ARHGAP24: variants seen among roughly 807,000 people sequenced by gnomAD.
The protein encoded by ARHGAP24 is rho GTPase-activating protein 24.
ARHGAP24 carries 50 observed loss-of-function variants against 76.4 expected under a neutral mutation model. The ratio of observed to expected loss-of-function variants is 0.65; its 90% CI spans 0.52 to 0.83. The LOEUF (loss-of-function observed/expected upper bound fraction) is 0.83, where lower values mean the gene tolerates loss of function less well. ARHGAP24 is among the 40% of genes least tolerant of loss of function. The pLI, the probability that ARHGAP24 is intolerant of heterozygous loss-of-function variation, is 0.00. For synonymous variants in ARHGAP24, 345 were observed against 323.3 expected (o/e 1.07, Z -0.72); for missense variants, 930 against 914.2 (o/e 1.02, Z -0.22).
At chr4:85,710,594 A>G (rs2110034154) in intron 2 of ARHGAP24, among the ~76,000 whole-genome samples, 1 of 152,310 alleles carries the variant, frequency 6.6e-6, no homozygotes, top group African/African-American at 2.4e-5. Flanking sequence ...TCTAGCATCT[A>G]TAAAGAACTT....
At chr4:85,707,233 T>C (rs896918408) in intron 2 of ARHGAP24, among the ~76,000 whole-genome samples, 1 of 152,186 alleles carries the variant, frequency 6.6e-6, no homozygotes, top group Non-Finnish European at 1.5e-5. Flanking sequence ...GTACTTTAAA[T>C]TCAGATTTCT....
intron 7 of ARHGAP24, among the ~76,000 whole-genome samples, chr4:85,977,024 G>A (rs1275481520): frequency 6.6e-6 from 1 of 151,984 alleles, no homozygotes; most frequent in African/African-American, 2.4e-5. Context: ...CTGACCTCAG[G>A]TGATCCACCT....
At chr4:85,722,234 A>G in intron 3 of ARHGAP24, 1 of 427,310 alleles carries the variant, frequency 2.3e-6, no homozygotes. Context: ...ATGATACAGT[A>G]TTTGTTCAGG....
intron 2 of ARHGAP24, among the ~76,000 whole-genome samples, chr4:85,596,775 A>G (rs1719849835): frequency 6.6e-6 from 1 of 152,126 alleles, no homozygotes; most frequent in Admixed American, 6.6e-5. Context: ...AAAAGAAGCT[A>G]TTACATCATT....
At chr4:85,561,775 G>T (rs1726609825) in intron 1 of ARHGAP24, among the ~76,000 whole-genome samples, 1 of 152,100 alleles carries the variant, frequency 6.6e-6, no homozygotes, top group African/African-American at 2.4e-5. Context: ...GCCACTCTCT[G>T]CTACCTCTGC....
chr4:85,574,334 G>GA, intron 2 of ARHGAP24, among the ~76,000 whole-genome samples: 1 of 152,286 alleles, frequency 6.6e-6, no homozygotes, highest in East Asian at 1.9e-4. Flanking sequence ...CCGATGCTAT[G>GA]AGTACACAGG....
At chr4:85,687,560 C>G (rs1723473420) in intron 2 of ARHGAP24, among the ~76,000 whole-genome samples, 1 of 152,138 alleles carries the variant, frequency 6.6e-6, no homozygotes, top group Non-Finnish European at 1.5e-5. Context: ...TTATGGACAC[C>G]AGCTGCATTC....
At chr4:85,927,063 G>GA (rs1001480304) in intron 4 of ARHGAP24, among the ~76,000 whole-genome samples, 12 of 151,018 alleles carry the variant, frequency 7.9e-5, no homozygotes, top group East Asian at 5.8e-4. Flanking sequence ...CGAGCAATTA[G>GA]AAAAAAAAAT....
intron 3 of ARHGAP24, among the ~76,000 whole-genome samples, chr4:85,910,132 C>T (rs1734997382): frequency 6.6e-6 from 1 of 152,170 alleles, no homozygotes; most frequent in Non-Finnish European, 1.5e-5. Flanking sequence ...GCGGCTAGAC[C>T]AGGTGCACTG....
At position 85,950,273 on chromosome 4, in the gene ARHGAP24, C is replaced by T. The variant is rs530382738; in HGVS notation, c.599+8000C>T. Among the ~76,000 whole-genome samples the T allele has an allele frequency of 3.9e-5, 6 of 152,106 alleles. No individual in the cohort carries two copies. In the South Asian group the frequency reaches 1.0e-3, roughly 26 times the overall value. On this transcript the variant is annotated intron_variant, in intron 5 of 9. Coordinates refer to ENST00000395184, the MANE Select transcript of ARHGAP24 (RefSeq NM_001025616.3). The stretch of plus-strand genomic sequence containing the variant: ...TTTGGGAGGCCGAAGTGGGAGGATC[C>T]CTTAAGGGTAAGAGTTCCAGACCTG...
rs201065501 is a variant in ARHGAP24, at chr4:85,836,968, GC to G, written c.269-86678del. The stretch of plus-strand genomic sequence containing the variant: ...CAGAGTAGAAGCCCAATTCTCAAAT[GC>G]CAAAAAGGAGGGGGAAAAAGGACTG... On this transcript the variant is annotated intron_variant, in intron 3 of 9. Transcript: ENST00000395184. Among the ~76,000 whole-genome samples, 1,401 of 152,138 alleles carry G rather than the reference GC, an allele frequency of 9.2e-3. 27 individuals are homozygous for G. Among genetic ancestry groups the G allele is most frequent in the African/African-American group, 0.032 (1,314 of 41,432 alleles).
At chr4:85,671,898 G>C (rs1297321872) in intron 2 of ARHGAP24, among the ~76,000 whole-genome samples, 2 of 152,152 alleles carry the variant, frequency 1.3e-5, no homozygotes, top group Non-Finnish European at 1.5e-5. Context: ...AAGACCCAGG[G>C]TCTGAAGTAA....
chr4:85,939,722 G>C (rs947803249), intron 4 of ARHGAP24, among the ~76,000 whole-genome samples: 3 of 152,130 alleles, frequency 2.0e-5, no homozygotes, highest in Non-Finnish European at 2.9e-5. Context: ...AATCCCGAAA[G>C]CTTTGAGAAA....
At chr4:85,986,392 A>C (rs1739997774) in intron 8 of ARHGAP24, among the ~76,000 whole-genome samples, 1 of 152,194 alleles carries the variant, frequency 6.6e-6, no homozygotes, top group African/African-American at 2.4e-5. Flanking sequence ...GAAAACCAGA[A>C]AACTATATGA....
intron 1 of ARHGAP24, among the ~76,000 whole-genome samples, chr4:85,558,946 T>G (rs1726492698): frequency 6.6e-6 from 1 of 152,220 alleles, no homozygotes; most frequent in Non-Finnish European, 1.5e-5. Flanking sequence ...CAACATTTGA[T>G]TCTCCTAGGT....
chr4:85,718,296 A>G lies in ARHGAP24; in HGVS notation c.181-3589A>G, dbSNP rs73835541. On this transcript the variant is annotated intron_variant, in intron 2 of 9. Transcript: ENST00000395184. ...TGTAGATGACTACACTTGGCATAAC[A>G]ACAATACATGACTTTTAAGTTTTGA... Among the ~76,000 whole-genome samples the G allele has an allele frequency of 1.0e-2, 1,516 of 152,238 alleles. 24 individuals carry two copies. The highest frequency in any genetic ancestry group is 0.034 in the African/African-American group (1,413 of 41,566).
intron 1 of ARHGAP24, among the ~76,000 whole-genome samples, chr4:85,552,366 G>A (rs1479781443): frequency 2.6e-5 from 4 of 152,038 alleles, no homozygotes; most frequent in Admixed American, 6.6e-5. Context: ...TTCTATTTTT[G>A]TTGAGCTGTG....
At chr4:85,968,415 A>G (rs1738759112) in intron 5 of ARHGAP24, among the ~76,000 whole-genome samples, 1 of 152,160 alleles carries the variant, frequency 6.6e-6, no homozygotes, top group East Asian at 1.9e-4. Flanking sequence ...TGAGACAAAG[A>G]TGGCACTTTC....
intron 2 of ARHGAP24, among the ~76,000 whole-genome samples, chr4:85,592,470 C>A (rs1728157862): frequency 6.6e-6 from 1 of 152,096 alleles, no homozygotes; most frequent in African/African-American, 2.4e-5. Context: ...TTTATCCTGT[C>A]TTTGTGTTAC....
Sources: gnomAD v4.1 joint callset for allele counts (sites outside exome capture counted in the v4.1 genomes callset) on GRCh38, gnomAD v4.1.1 for gene constraint, MANE v1.5 for transcripts, NCBI Gene and HGNC (gene_info 2026-07-23, HGNC 2026-07-21) for gene names.